Variants in TFAP2A observed in about 807,000 individuals in gnomAD.
The protein encoded by TFAP2A is transcription factor AP-2 alpha, also known as transcription factor AP-2-alpha.
Under a neutral mutation model 41.5 loss-of-function variants are expected in TFAP2A, and 7 were observed. That is an observed-to-expected ratio of 0.17 (90% CI 0.10 to 0.32). The LOEUF (loss-of-function observed/expected upper bound fraction) is 0.32, where lower values mean the gene tolerates loss of function less well. TFAP2A is among the 10% of genes least tolerant of loss of function. The pLI is 1.00. For synonymous variants in TFAP2A, 247 were observed against 242.8 expected, an observed-to-expected ratio of 1.02 and a Z score of -0.16; for missense variants, 416 against 563.3, an observed-to-expected ratio of 0.74 and a Z score of 2.65.
upstream of TFAP2A, among the ~76,000 whole-genome samples, chr6:10,417,602 G>A (rs1274749351): frequency 1.3e-5 from 2 of 152,222 alleles, no homozygotes; most frequent in African/African-American, 4.8e-5. Flanking sequence ...CATAAAAAGG[G>A]CGTCGCGGGG....
chr6:10,417,355 T>C (rs1017963854), upstream of TFAP2A: 3 of 152,214 alleles, frequency 2.0e-5, no homozygotes, highest in South Asian at 6.2e-4. Context: ...GAGGGCGCCA[T>C]TGAGGTGCAG....
At chr6:10,417,042 A>C (rs1006367181), upstream of TFAP2A, 1 of 152,484 alleles carries the variant, frequency 6.6e-6, no homozygotes, top group Non-Finnish European at 1.5e-5. Context: ...TCGCCAGTGC[A>C]GTGGTTTGAA....
In TFAP2A at chr6:10,410,293, G is replaced by C; in HGVS notation, c.94C>G (p.Gln32Glu). Residue 32 changes from glutamine (Q) to glutamate (E), a missense_variant, in exon 2 of 7, where the codon CAG becomes GAG. By Grantham distance (29) the Gln-to-Glu change is conservative. This residue lies in a region of TFAP2A where 241 missense variants were observed against 274.1 expected (regional missense o/e 0.88). Coordinates refer to ENST00000379613, the MANE Select transcript of TFAP2A (RefSeq NM_001372066.1). ...GTSNGTARLP[Q>E]LGTVGQSPYT... is the part of the protein sequence containing the mutation. The stretch of plus-strand genomic sequence containing the variant: ...GGAGATTGACCTACAGTGCCCAGCT[G>C]GGGCAACCGTGCCGTCCCGTTGCTG... 6.2e-7 allele frequency: 1 copy of C among 1,612,778 alleles called. No individual in the cohort carries two copies. Among genetic ancestry groups the C allele is most frequent in the Non-Finnish European group, 8.5e-7 (1 of 1,179,702 alleles).
chr6:10,398,488 T>C lies in TFAP2A; in HGVS notation c.1249A>G (p.Ser417Gly). 3 of 1,614,214 alleles carry C rather than the reference T, an allele frequency of 1.9e-6. No individual in the cohort carries two copies. Among genetic ancestry groups the C allele is most frequent in the Non-Finnish European group, 2.5e-6 (3 of 1,180,040 alleles). Residue 417 changes from serine (S) to glycine (G), a missense_variant, in exon 7 of 7, where the codon AGC (serine) becomes GGC (glycine). By Grantham distance (56) the Ser-to-Gly change is moderately conservative. Transcript: ENST00000379613. The surrounding 1 kb of genome is among the most constrained non-coding windows in gnomAD (Gnocchi z 5.3). The stretch of plus-strand genomic sequence containing the variant: ...TCCGTGTGGCTGTTGGGGTTGTTGC[T>C]GAGGTACATTTTGTCCATGGCCTTG... ...ALKAMDKMYL[S>G]NNPNSHTDNN... is the part of the protein sequence containing the mutation.
Position 10,397,749 on chromosome 6 carries a change from G to A in TFAP2A, c.*668C>T, listed in dbSNP as rs886127182. On this transcript the variant is annotated 3_prime_UTR_variant, in exon 7 of 7. Coordinates refer to ENST00000379613, the MANE Select transcript of TFAP2A (RefSeq NM_001372066.1). ...AAATATATACAGAGACGTGAACACT[G>A]ATTCCCTTATATAACTGCGAATCGT... The A allele has an allele frequency of 9.5e-6, 5 of 524,976 alleles. No homozygotes were observed. Among genetic ancestry groups the A allele is most frequent in the African/African-American group, 2.1e-5 (1 of 48,180 alleles). The allele number at this position is 524,976 out of a possible 1,614,324, so 32.5% of individuals were successfully genotyped here.
upstream of TFAP2A, among the ~76,000 whole-genome samples, chr6:10,417,609 G>A (rs981883217): frequency 6.6e-6 from 1 of 152,202 alleles, no homozygotes; most frequent in Non-Finnish European, 1.5e-5. Flanking sequence ...AGGGCGTCGC[G>A]GGGAAGAGGG....
At chr6:10,412,639 G>A in intron 1 of TFAP2A, 1 of 305,048 alleles carries the variant, frequency 3.3e-6, no homozygotes, top group Non-Finnish European at 6.8e-6. Context: ...GCGGGTAGGA[G>A]CTGCTTGGGA....
intron 4 of TFAP2A, among the ~76,000 whole-genome samples, chr6:10,403,254 TA>T (rs1468028029): frequency 6.6e-6 from 1 of 152,230 alleles, no homozygotes; most frequent in Non-Finnish European, 1.5e-5. Context: ...ATTGTTTAAA[TA>T]AAACAGCAAA....
chr6:10,415,185 GAGGAGGGCGAGGAGA>G, upstream of TFAP2A: 1 of 1,495,060 alleles, frequency 6.7e-7, no homozygotes, highest in Non-Finnish European at 8.9e-7. Context: ...CGAGGAGGAG[GAGGAGGGCGAGGAGA>G]AGGGCGAGGA....
rs1288405877 is a variant in TFAP2A at position 10,396,867 on chromosome 6, A to G, written c.*1550T>C. 2 of 152,626 alleles carry G rather than the reference A, an allele frequency of 1.3e-5. No homozygotes were observed. The highest frequency in any genetic ancestry group is 2.9e-5 in the Non-Finnish European group (2 of 68,026). The allele number at this position is 152,626 out of a possible 1,614,324, so 9.5% of individuals were successfully genotyped here. ...AAATGATACCCTGCTCTGAACTCCA[A>G]GTTGAAAGTAAGTTTTTATTATACT... is the stretch of plus-strand genomic sequence containing the variant. On this transcript the variant is annotated 3_prime_UTR_variant, in exon 7 of 7. Coordinates refer to ENST00000379613, the MANE Select transcript of TFAP2A (RefSeq NM_001372066.1).
intron 1 of TFAP2A, among the ~76,000 whole-genome samples, chr6:10,414,165 T>C (rs1465937767): frequency 6.6e-6 from 1 of 152,258 alleles, no homozygotes; most frequent in Non-Finnish European, 1.5e-5. Context: ...ACGGTCGTTC[T>C]GGGCTGGTGC....
Position 10,398,134 on chromosome 6 carries a change from C to A in TFAP2A, c.*283G>T. ...GCAGAACTTTTCTCTGCTGGCTTCA[C>A]GGCCTGTTCTGTTCTCTTAGGCTCC... On this transcript the variant is annotated 3_prime_UTR_variant, in exon 7 of 7. Coordinates refer to ENST00000379613, the MANE Select transcript of TFAP2A (RefSeq NM_001372066.1). This position sits in a 1 kb window ranked among gnomAD's most constrained non-coding sequence, Gnocchi z 5.3. 2.2e-6 allele frequency: 3 copies of A among 1,369,790 alleles called. No homozygotes were observed. Among genetic ancestry groups the A allele is most frequent in the Admixed American group, 6.4e-5 (2 of 31,456 alleles). The allele number at this position is 1,369,790 out of a possible 1,614,324, so 84.9% of individuals were successfully genotyped here. A position where few individuals can be genotyped will look rare whatever the true frequency, so the allele number is the denominator to read the frequency against.
chr6:10,411,868 A>G, intron 1 of TFAP2A: 3 of 1,343,010 alleles, frequency 2.2e-6, no homozygotes, highest in South Asian at 3.3e-5. Flanking sequence ...AGTTCTTTAA[A>G]AATGAAAAAC....
chr6:10,406,579 G>C, intron 3 of TFAP2A: 1 of 587,736 alleles, frequency 1.7e-6, no homozygotes, highest in Admixed American at 3.0e-5. Flanking sequence ...TAAATTAAAT[G>C]GTCAAATCAT....
At chr6:10,413,137 C>G (rs964681049) in intron 1 of TFAP2A, among the ~76,000 whole-genome samples, 1 of 152,248 alleles carries the variant, frequency 6.6e-6, no homozygotes, top group African/African-American at 2.4e-5. Context: ...GGCACCTCGC[C>G]TCCTGCGTGT....
At chr6:10,413,291 G>C (rs1406541948) in intron 1 of TFAP2A, among the ~76,000 whole-genome samples, 1 of 151,936 alleles carries the variant, frequency 6.6e-6, no homozygotes, top group Non-Finnish European at 1.5e-5. Context: ...TTTTTGCCTC[G>C]CTTACACACG....
intron 2 of TFAP2A, among the ~76,000 whole-genome samples, chr6:10,408,681 T>C (rs569419079): frequency 5.9e-5 from 9 of 152,364 alleles, no homozygotes; most frequent in African/African-American, 2.2e-4. Flanking sequence ...AAGTGCCCAC[T>C]TTCCTGCCTT....
chr6:10,398,764 A>C lies in TFAP2A; in HGVS notation c.1032-59T>G. 6.3e-7 allele frequency: 1 copy of C among 1,588,834 alleles called. No individual in the cohort carries two copies. The highest frequency in any genetic ancestry group is 8.6e-7 in the Non-Finnish European group (1 of 1,164,278). On this transcript the variant is annotated intron_variant, in intron 6 of 6. Coordinates refer to ENST00000379613, the MANE Select transcript of TFAP2A (RefSeq NM_001372066.1). This position sits in a 1 kb window ranked among gnomAD's most constrained non-coding sequence, Gnocchi z 5.3. ...AGGCTCCACTATGGGCAGCACTAGC[A>C]GCAAAGAGAAAACCTCCCTCCCTGC...
intron 5 of TFAP2A, chr6:10,402,211 T>G (rs1320406420): frequency 2.0e-5 from 10 of 506,520 alleles, no homozygotes; most frequent in Non-Finnish European, 3.5e-5. Context: ...GAGACAAACT[T>G]GGAGAATGTG....
Sources: allele counts gnomAD v4.1 joint callset (sites outside exome capture counted in the v4.1 genomes callset), GRCh38; gene constraint gnomAD v4.1.1; regional missense constraint gnomAD v4.1.1; non-coding constraint Gnocchi (gnomAD v3.1); transcripts MANE v1.5; gene names NCBI Gene and HGNC (gene_info 2026-07-23, HGNC 2026-07-21).